RBFOX1: variants seen among roughly 807,000 people sequenced by gnomAD.
The protein encoded by RBFOX1 is RNA binding fox-1 homolog 1.
Under a neutral mutation model 57.7 loss-of-function variants are expected in RBFOX1, and 8 were observed. The observed-to-expected ratio is 0.14, with a 90% CI of 0.08 to 0.25. The LOEUF is 0.25. Ranked by LOEUF, RBFOX1 falls within the 10% of genes least tolerant of loss-of-function variation. The pLI, the probability that RBFOX1 is intolerant of heterozygous loss-of-function variation, is 1.00. For synonymous variants in RBFOX1, 326 were observed against 222.4 expected, an observed-to-expected ratio of 1.47 and a Z score of -4.15; for missense variants, 611 against 548.5, an observed-to-expected ratio of 1.11 and a Z score of -1.14.
intron 2 of RBFOX1, among the ~76,000 whole-genome samples, chr16:6,406,469 T>C (rs1281295916): frequency 6.6e-6 from 1 of 152,166 alleles, no homozygotes. Context: ...AATAGGAAAA[T>C]TTTATTACTT....
At chr16:7,190,947 C>G (rs2085228431) in intron 4 of RBFOX1, among the ~76,000 whole-genome samples, 1 of 151,720 alleles carries the variant, frequency 6.6e-6, no homozygotes, top group South Asian at 2.1e-4. Flanking sequence ...CTGGACTTCT[C>G]CCTAATCATC....
chr16:6,900,490 C>T (rs7196130), intron 3 of RBFOX1, among the ~76,000 whole-genome samples: 29,828 of 152,152 alleles, frequency 0.2, 3,031 homozygotes, highest in South Asian at 0.28. Context: ...AAAGCAAACA[C>T]GATTGCATGG....
chr16:6,808,342 A>G (rs551873944), intron 3 of RBFOX1, among the ~76,000 whole-genome samples: 3 of 152,106 alleles, frequency 2.0e-5, no homozygotes, highest in South Asian at 4.1e-4. Context: ...GATTATGCCT[A>G]CTTCACTGAA....
intron 3 of RBFOX1, among the ~76,000 whole-genome samples, chr16:6,986,156 T>C (rs903418246): frequency 6.6e-5 from 8 of 120,304 alleles, no homozygotes; most frequent in Non-Finnish European, 1.1e-4. Context: ...AACCCTTATA[T>C]ACGTCTACCA....
intron 4 of RBFOX1, among the ~76,000 whole-genome samples, chr16:5,939,055 A>C (rs2059227749): frequency 1.3e-5 from 2 of 152,150 alleles, no homozygotes; most frequent in East Asian, 1.9e-4. Flanking sequence ...GAACACTTGG[A>C]CACAGGGCAG....
intron 1 of RBFOX1, among the ~76,000 whole-genome samples, chr16:6,060,158 T>A (rs1334018937): frequency 4.3e-5 from 5 of 117,534 alleles, no homozygotes; most frequent in South Asian, 5.3e-4. Context: ...TTTTTTTTTT[T>A]ACGTATAACA....
At chr16:5,415,915 T>C (rs1391268313) in intron 1 of RBFOX1, among the ~76,000 whole-genome samples, 1 of 152,160 alleles carries the variant, frequency 6.6e-6, no homozygotes, top group Non-Finnish European at 1.5e-5. Flanking sequence ...TTAGGGGCAC[T>C]CAGAAATGCC....
intron 3 of RBFOX1, among the ~76,000 whole-genome samples, chr16:5,698,353 T>C (rs546419050): frequency 6.6e-6 from 1 of 152,302 alleles, no homozygotes; most frequent in South Asian, 2.1e-4. Context: ...TTTTTGCTTT[T>C]GGGGTGTGTA....
intron 1 of RBFOX1, among the ~76,000 whole-genome samples, chr16:6,239,013 T>G (rs2097525846): frequency 2.0e-5 from 3 of 152,156 alleles, no homozygotes; most frequent in Admixed American, 6.5e-5. Context: ...TTACTATTTT[T>G]TTTTGTACCC....
intron 4 of RBFOX1, among the ~76,000 whole-genome samples, chr16:7,352,606 G>A (rs1388968848): frequency 2.0e-5 from 3 of 152,160 alleles, no homozygotes; most frequent in African/African-American, 7.2e-5. Context: ...TCAGAAACAA[G>A]CTCGCTATAT....
At chr16:7,394,910 G>A (rs1005186314) in intron 4 of RBFOX1, among the ~76,000 whole-genome samples, 3 of 152,110 alleles carry the variant, frequency 2.0e-5, no homozygotes, top group Non-Finnish European at 4.4e-5. Flanking sequence ...CTTCATGTCT[G>A]TGCATACATA....
At chr16:7,491,278 C>G (rs538424677) in intron 4 of RBFOX1, among the ~76,000 whole-genome samples, 1 of 151,970 alleles carries the variant, frequency 6.6e-6, no homozygotes, top group Admixed American at 6.6e-5. Context: ...CTTTGGTTGA[C>G]TGTAAATCTT....
At chr16:6,559,725 C>T (rs566600607) in intron 2 of RBFOX1, among the ~76,000 whole-genome samples, 69 of 151,994 alleles carry the variant, frequency 4.5e-4, no homozygotes, top group African/African-American at 1.6e-3. Flanking sequence ...CTGTGTGTGT[C>T]TATATATCTA....
intron 4 of RBFOX1, among the ~76,000 whole-genome samples, chr16:7,054,494 GC>G (rs933627884): frequency 7.2e-6 from 1 of 138,898 alleles, no homozygotes; most frequent in Non-Finnish European, 1.5e-5. Flanking sequence ...GCCAGCCTCG[GC>G]CCCCCAAGGT....
At chr16:6,754,667 G>A (rs1407881959) in intron 3 of RBFOX1, among the ~76,000 whole-genome samples, 3 of 151,944 alleles carry the variant, frequency 2.0e-5, no homozygotes, top group African/African-American at 7.3e-5. Flanking sequence ...GTGGGAGAAA[G>A]AGAGAATTAG....
At chr16:7,068,106 G>C (rs2056534065) in intron 4 of RBFOX1, among the ~76,000 whole-genome samples, 1 of 151,778 alleles carries the variant, frequency 6.6e-6, no homozygotes, top group African/African-American at 2.4e-5. Flanking sequence ...GGGTTCATGT[G>C]ATTACGTTGG....
chr16:5,302,021 G>A (rs115534228), intron 1 of RBFOX1, among the ~76,000 whole-genome samples: 2,846 of 151,200 alleles, frequency 0.019, 77 homozygotes, highest in African/African-American at 0.065. Flanking sequence ...GCTTCTTTAG[G>A]TTCCAGTTTA....
At chr16:5,540,515 G>A (rs962224540) in intron 2 of RBFOX1, among the ~76,000 whole-genome samples, 2 of 152,142 alleles carry the variant, frequency 1.3e-5, no homozygotes, top group Admixed American at 1.3e-4. Flanking sequence ...AAATTTAGTC[G>A]AATTTGAAAG....
chr16:6,757,336 C>T (rs2075960052), intron 3 of RBFOX1, among the ~76,000 whole-genome samples: 1 of 152,110 alleles, frequency 6.6e-6, no homozygotes, highest in Admixed American at 6.5e-5. Context: ...TCTGAAAGGA[C>T]CTGCACACCC....
Sources: allele counts gnomAD v4.1 joint callset (sites outside exome capture counted in the v4.1 genomes callset), GRCh38; gene constraint gnomAD v4.1.1; transcripts MANE v1.5; gene names NCBI Gene and HGNC (gene_info 2026-07-23, HGNC 2026-07-21).